Variants in SGMS1 observed in about 807,000 individuals in gnomAD.
SGMS1 encodes the protein sphingomyelin synthase 1.
SGMS1 carries 13 observed loss-of-function variants against 46.2 expected under a neutral mutation model. The ratio of observed to expected loss-of-function variants is 0.28; its 90% CI spans 0.18 to 0.45. The LOEUF (loss-of-function observed/expected upper bound fraction) is 0.45, where lower values mean the gene tolerates loss of function less well. Among genes scored for constraint, SGMS1 ranks in the 20% least tolerant of loss-of-function variants. The pLI is 1.00. For missense variants in SGMS1, 324 were observed against 519.9 expected (o/e 0.62, Z 3.66); for synonymous variants, 203 against 187.8 (o/e 1.08, Z -0.66).
At chr10:50,481,129 A>T (rs187863219) in intron 3 of SGMS1, among the ~76,000 whole-genome samples, 47 of 152,376 alleles carry the variant, frequency 3.1e-4, no homozygotes, top group Admixed American at 2.3e-3. Flanking sequence ...GAGTCCGAGC[A>T]GTCTGGACCA....
At chr10:50,557,601 C>CAA (rs1176246976) in intron 2 of SGMS1, among the ~76,000 whole-genome samples, 1 of 69,096 alleles carries the variant, frequency 1.4e-5, no homozygotes, top group Admixed American at 1.6e-4. Flanking sequence ...AGAAGAAATG[C>CAA]AAAAAAAAAA....
intron 2 of SGMS1, among the ~76,000 whole-genome samples, chr10:50,543,040 C>G (rs1183994131): frequency 1.3e-5 from 2 of 152,098 alleles, no homozygotes; most frequent in Admixed American, 6.6e-5. Context: ...GGACATTAGG[C>G]ATCCACATCT....
rs141647886 is a variant in SGMS1, at chr10:50,562,364, G to GCGCA, written c.-589+27788_-589+27789insTGCG. ...TGTGTGTGTGTGTGTGTGCGCGCGCGCACACACACACACTCACACACGGGC... is the reference window on the plus strand; with the variant it reads ...TGTGTGTGTGTGTGTGTGCGCGCGCGCGCACACACACACACACTCACACACGGGC... On this transcript the variant is annotated intron_variant, in intron 2 of 10. Coordinates refer to ENST00000361781, the MANE Select transcript of SGMS1 (RefSeq NM_147156.4). Among the ~76,000 whole-genome samples the GCGCA allele has an allele frequency of 7.1e-3, 1,044 of 146,990 alleles. 4 individuals are homozygous for GCGCA. The highest frequency in any genetic ancestry group is 0.013 in the African/African-American group (536 of 40,476).
intron 3 of SGMS1, among the ~76,000 whole-genome samples, chr10:50,478,074 C>T (rs1318840643): frequency 6.6e-6 from 1 of 152,210 alleles, no homozygotes; most frequent in Non-Finnish European, 1.5e-5. Flanking sequence ...CTGTTACGTA[C>T]ATCAGTGGGT....
intron 6 of SGMS1, among the ~76,000 whole-genome samples, chr10:50,399,856 G>A (rs1410066805): frequency 6.6e-6 from 1 of 151,870 alleles, no homozygotes; most frequent in African/African-American, 2.4e-5. Context: ...GTGAAACCCT[G>A]TCTCTACTAA....
intron 1 of SGMS1, among the ~76,000 whole-genome samples, chr10:50,598,144 G>C (rs574844056): frequency 2.5e-3 from 382 of 149,836 alleles, no homozygotes; most frequent in Admixed American, 4.2e-3. Flanking sequence ...TATTCAGAGA[G>C]GACTCCTTTG....
At position 50,433,545 on chromosome 10, in the gene SGMS1, C is replaced by A. The variant is rs762276573; in HGVS notation, c.-301G>T. Reference sequence around the variant, plus strand: ...ACCAGCTTCTCCCATTGTTCCAGTACAGTTCCATCACCTGTCATAAGCAGA... The same window carrying A: ...ACCAGCTTCTCCCATTGTTCCAGTAAAGTTCCATCACCTGTCATAAGCAGA... On this transcript the variant is annotated 5_prime_UTR_variant, in exon 6 of 11. Transcript: ENST00000361781. 2.0e-5 allele frequency: 3 copies of A among 152,338 alleles called. No homozygotes were observed. Among genetic ancestry groups the A allele is most frequent in the Non-Finnish European group, 4.4e-5 (3 of 68,040 alleles). 9.4% of individuals were successfully genotyped at this position (152,338 alleles called of 1,614,324 possible).
upstream of SGMS1, chr10:50,624,826 C>T (rs893972256): frequency 1.5e-5 from 15 of 986,692 alleles, no homozygotes; most frequent in Non-Finnish European, 1.7e-5. Flanking sequence ...CCGCGCCGCA[C>T]CTCGGTGGCC....
At chr10:50,582,148 C>A (rs1838440785) in intron 2 of SGMS1, among the ~76,000 whole-genome samples, 1 of 152,190 alleles carries the variant, frequency 6.6e-6, no homozygotes, top group Admixed American at 6.5e-5. Flanking sequence ...TCCTTGCTTT[C>A]ATAGCTGCAT....
chr10:50,419,465 TTACTA>T (rs1419865911), intron 6 of SGMS1, among the ~76,000 whole-genome samples: 2 of 149,408 alleles, frequency 1.3e-5, no homozygotes, highest in Non-Finnish European at 3.0e-5. Flanking sequence ...TTTGGTATTC[TTACTA>T]TACAATAGAA....
In SGMS1 at chr10:50,408,450, A is replaced by C. The variant is rs201887735; in HGVS notation, c.-232+25026T>G. On this transcript the variant is annotated intron_variant, in intron 6 of 10. Transcript: ENST00000361781. The stretch of plus-strand genomic sequence containing the variant: ...ATCTCTTAAAAAAAAAAAAAAAAAA[A>C]AAAAACAAAATAAAAACTTTTTTTA... Among the ~76,000 whole-genome samples, 271 of 148,842 alleles carry C rather than the reference A, an allele frequency of 1.8e-3. 1 individual carries two copies. In the Middle Eastern group the frequency reaches 0.02, roughly 11 times the overall value.
At chr10:50,456,223 C>T (rs143823478) in intron 5 of SGMS1, among the ~76,000 whole-genome samples, 85 of 151,760 alleles carry the variant, frequency 5.6e-4, no homozygotes, top group Non-Finnish European at 1.1e-3. Context: ...TGTGGAAATT[C>T]AATACATAAA....
intron 2 of SGMS1, among the ~76,000 whole-genome samples, chr10:50,524,353 T>A (rs568619936): frequency 6.6e-6 from 1 of 152,182 alleles, no homozygotes; most frequent in Non-Finnish European, 1.5e-5. Context: ...AAGACCTCCA[T>A]GAACTGCTCC....
intron 2 of SGMS1, among the ~76,000 whole-genome samples, chr10:50,580,424 A>C (rs375305176): frequency 1.2e-4 from 18 of 148,086 alleles, no homozygotes; most frequent in Admixed American, 2.7e-4. Context: ...CAAGTTAGGG[A>C]CCCCCCCCCA....
intron 3 of SGMS1, among the ~76,000 whole-genome samples, chr10:50,494,257 A>T (rs987915470): frequency 6.6e-5 from 10 of 152,230 alleles, no homozygotes; most frequent in Non-Finnish European, 1.5e-4. Flanking sequence ...ATACCATTTG[A>T]CCCAGCCATT....
At chr10:50,359,026 C>T (rs991372504) in intron 6 of SGMS1, among the ~76,000 whole-genome samples, 7 of 152,164 alleles carry the variant, frequency 4.6e-5, no homozygotes, top group African/African-American at 1.7e-4. Flanking sequence ...TTTTAAATTG[C>T]TATTACATGC....
At chr10:50,522,692 G>C (rs113264123) in intron 2 of SGMS1, among the ~76,000 whole-genome samples, 3 of 151,954 alleles carry the variant, frequency 2.0e-5, no homozygotes. Context: ...GGCCCTTACT[G>C]TAAGGTATGG....
chr10:50,311,081 G>A lies in SGMS1; in HGVS notation c.895+181C>T, dbSNP rs925470155. On this transcript the variant is annotated intron_variant, in intron 9 of 10. Transcript: ENST00000361781. The stretch of plus-strand genomic sequence containing the variant: ...GGACACCTCGTCCTCAGGAAGACCA[G>A]TTCTGTCCTTCCACATATTTCCCTG... Among the ~76,000 whole-genome samples the A allele has an allele frequency of 2.6e-5, 4 of 152,226 alleles. No homozygotes were observed. The East Asian group carries it at 7.7e-4, about 29-fold the overall frequency.
intron 7 of SGMS1, chr10:50,341,113 GA>G (rs1370304440): frequency 5.4e-5 from 18 of 331,882 alleles, no homozygotes; most frequent in Non-Finnish European, 1.0e-4. Flanking sequence ...CCCATAACCA[GA>G]AGGATCAATT....
Sources: allele counts gnomAD v4.1 joint callset (sites outside exome capture counted in the v4.1 genomes callset), GRCh38; gene constraint gnomAD v4.1.1; transcripts MANE v1.5; gene names NCBI Gene and HGNC (gene_info 2026-07-23, HGNC 2026-07-21).